The following PITPNB variants were observed in gnomAD, a reference collection of about 807,000 sequenced individuals.
PITPNB encodes the protein phosphatidylinositol transfer protein beta, also known as phosphatidylinositol transfer protein beta isoform.
In PITPNB, 16 loss-of-function variants were observed where a neutral mutation model predicts 45.9. The ratio of observed to expected loss-of-function variants is 0.35; its 90% CI spans 0.24 to 0.53. The LOEUF (loss-of-function observed/expected upper bound fraction) is 0.53. Ranked by LOEUF, PITPNB falls within the 20% of genes least tolerant of loss-of-function variation. The probability of loss-of-function intolerance (pLI) is 0.93; values close to 1 mark genes in which losing one functional copy is unlikely to be tolerated. For synonymous variants in PITPNB, 112 were observed against 108.9 expected, an observed-to-expected ratio of 1.03 and a Z score of -0.18; for missense variants, 188 against 330.5, an observed-to-expected ratio of 0.57 and a Z score of 3.34.
chr22:27,865,880 ATTCT>A (rs754199646), intron 8 of PITPNB, among the ~76,000 whole-genome samples: 22 of 152,164 alleles, frequency 1.4e-4, no homozygotes, highest in Admixed American at 2.6e-4. Flanking sequence ...ATGTTTTCTG[ATTCT>A]TTCTTCTTCA....
chr22:27,869,008 G>A (rs896783490), intron 8 of PITPNB, among the ~76,000 whole-genome samples: 1 of 152,064 alleles, frequency 6.6e-6, no homozygotes, highest in Non-Finnish European at 1.5e-5. Flanking sequence ...GTTTCAATCT[G>A]TTAAAATAAC....
intron 8 of PITPNB, among the ~76,000 whole-genome samples, chr22:27,870,623 T>C (rs1225548402): frequency 6.6e-6 from 1 of 152,230 alleles, no homozygotes; most frequent in African/African-American, 2.4e-5. Flanking sequence ...ATCATGTTTG[T>C]TCCCTATTTC....
Position 27,853,654 on chromosome 22 carries a change from G to T in PITPNB, c.*48C>A. 6.5e-7 allele frequency: 1 copy of T among 1,550,226 alleles called. No homozygotes were observed. The highest frequency in any genetic ancestry group is 1.2e-5 in the South Asian group (1 of 84,022). The stretch of plus-strand genomic sequence containing the variant: ...GCGCTTGTTCCCCTCACTTGACCTT[G>T]ATTACGTAACTGTAAGAAAAGTGAA... On this transcript the variant is annotated 3_prime_UTR_variant, in exon 12 of 12. Coordinates refer to ENST00000335272, the MANE Select transcript of PITPNB (RefSeq NM_012399.5).
rs1934089069 is a variant in PITPNB at position 27,853,622 on chromosome 22, AC to A, written c.*79del. 6.4e-7 allele frequency: 1 copy of A among 1,550,716 alleles called. No individual in the cohort carries two copies. Among genetic ancestry groups the A allele is most frequent in the African/African-American group, 1.4e-5 (1 of 73,022 alleles). On this transcript the variant is annotated 3_prime_UTR_variant, in exon 12 of 12. Coordinates refer to ENST00000335272, the MANE Select transcript of PITPNB (RefSeq NM_012399.5). ...CTGGTCAGATTCTTCTTCACTCATC[AC>A]TGGCTGCGCTTGTTCCCCTCACTTG...
At chr22:27,905,109 T>C (rs965172726) in intron 3 of PITPNB, among the ~76,000 whole-genome samples, 2 of 152,206 alleles carry the variant, frequency 1.3e-5, no homozygotes, top group African/African-American at 2.4e-5. Context: ...AATTCTTGAC[T>C]CAAGAACAAA....
intron 8 of PITPNB, among the ~76,000 whole-genome samples, chr22:27,861,112 C>A (rs923867046): frequency 1.3e-5 from 2 of 150,848 alleles, no homozygotes; most frequent in African/African-American, 4.9e-5. Context: ...GGGCAGATCA[C>A]TTGAGGTCAG....
At chr22:27,886,920 C>T (rs1200490079) in intron 7 of PITPNB, among the ~76,000 whole-genome samples, 1 of 152,078 alleles carries the variant, frequency 6.6e-6, no homozygotes, top group African/African-American at 2.4e-5. Context: ...AACCAGAAGT[C>T]ATTAAATACA....
At chr22:27,914,384 T>C (rs774525276) in intron 1 of PITPNB, 37 bp from the exon 2 acceptor site, 2 of 1,282,686 alleles carry the variant, frequency 1.6e-6, no homozygotes, top group African/African-American at 1.5e-5. Context: ...ATATTACATA[T>C]GAAATAGCTT....
At chr22:27,873,366 T>C (rs1030255746) in intron 8 of PITPNB, among the ~76,000 whole-genome samples, 1 of 152,216 alleles carries the variant, frequency 6.6e-6, no homozygotes, top group Non-Finnish European at 1.5e-5. Flanking sequence ...AATATGAGCT[T>C]GGGTGAAGGG....
chr22:27,890,353 AATT>A (rs1415739215), intron 7 of PITPNB, among the ~76,000 whole-genome samples: 1 of 142,590 alleles, frequency 7.0e-6, no homozygotes, highest in East Asian at 2.0e-4. Flanking sequence ...TGCATACTGG[AATT>A]ATTTTTTTTT....
intron 8 of PITPNB, among the ~76,000 whole-genome samples, chr22:27,870,776 G>T (rs185997867): frequency 5.5e-4 from 84 of 152,228 alleles, no homozygotes; most frequent in African/African-American, 2.0e-3. Context: ...AAGTCCAAAG[G>T]TTCCTATTTT....
At chr22:27,894,932 G>C (rs190033932) in intron 6 of PITPNB, among the ~76,000 whole-genome samples, 2 of 152,096 alleles carry the variant, frequency 1.3e-5, no homozygotes, top group Non-Finnish European at 2.9e-5. Context: ...CTAAATATAC[G>C]AGACCTATGC....
chr22:27,868,201 A>G (rs1357756998), intron 8 of PITPNB, among the ~76,000 whole-genome samples: 3 of 152,162 alleles, frequency 2.0e-5, no homozygotes, highest in Non-Finnish European at 4.4e-5. Context: ...GAAACAAGAG[A>G]GCACCTCCCA....
intron 7 of PITPNB, among the ~76,000 whole-genome samples, chr22:27,888,400 G>C (rs772977934): frequency 8.5e-5 from 13 of 152,214 alleles, no homozygotes; most frequent in Non-Finnish European, 1.8e-4. Flanking sequence ...TGCTAGACTA[G>C]CAACAGTTCC....
chr22:27,880,469 C>G (rs975742791), intron 7 of PITPNB, among the ~76,000 whole-genome samples: 11 of 152,128 alleles, frequency 7.2e-5, no homozygotes, highest in African/African-American at 2.2e-4. Flanking sequence ...ATCCCCCACC[C>G]AAGGAACTAG....
intron 8 of PITPNB, among the ~76,000 whole-genome samples, chr22:27,871,777 T>C (rs1934667313): frequency 6.6e-6 from 1 of 152,214 alleles, no homozygotes; most frequent in Admixed American, 6.5e-5. Context: ...TAATCCCCAA[T>C]GTTGAAATGC....
chr22:27,866,444 T>C (rs1450985386), intron 8 of PITPNB, among the ~76,000 whole-genome samples: 1 of 152,224 alleles, frequency 6.6e-6, no homozygotes, highest in African/African-American at 2.4e-5. Flanking sequence ...AAACACAGTG[T>C]GTTTAACTGG....
At chr22:27,856,671 C>T (rs964864304) in intron 10 of PITPNB, among the ~76,000 whole-genome samples, 50 of 152,168 alleles carry the variant, frequency 3.3e-4, no homozygotes, top group Non-Finnish European at 5.9e-5. Flanking sequence ...GGGCTCTTTC[C>T]CAAGGGTTTG....
chr22:27,873,159 C>T (rs535126061), intron 8 of PITPNB, among the ~76,000 whole-genome samples: 2 of 152,222 alleles, frequency 1.3e-5, no homozygotes, highest in African/African-American at 4.8e-5. Flanking sequence ...CCCAGTTACC[C>T]GGGAGGCTGA....
Sources: gnomAD v4.1 joint callset for allele counts (sites outside exome capture counted in the v4.1 genomes callset) on GRCh38, gnomAD v4.1.1 for gene constraint, MANE v1.5 for transcripts, NCBI Gene and HGNC (gene_info 2026-07-23, HGNC 2026-07-21) for gene names.